The following LPP variants were observed in gnomAD, a reference collection of about 807,000 sequenced individuals.
LPP encodes the protein LIM domain containing preferred translocation partner in lipoma, also known as lipoma-preferred partner.
In LPP, 38 loss-of-function variants were observed where a neutral mutation model predicts 60.4. The ratio of observed to expected loss-of-function variants is 0.63; its 90% CI spans 0.49 to 0.83. LPP has a LOEUF of 0.83. Ranked by LOEUF, LPP falls within the 40% of genes least tolerant of loss-of-function variation. The probability of loss-of-function intolerance (pLI) is 0.00; values close to 1 mark genes in which losing one functional copy is unlikely to be tolerated. For synonymous variants in LPP, 328 were observed against 290.8 expected, an observed-to-expected ratio of 1.13 and a Z score of -1.30; for missense variants, 902 against 783.6, an observed-to-expected ratio of 1.15 and a Z score of -1.80.
intron 10 of LPP, among the ~76,000 whole-genome samples, chr3:188,870,311 G>A (rs150083857): frequency 2.6e-5 from 4 of 152,212 alleles, no homozygotes; most frequent in African/African-American, 9.6e-5. Context: ...GCTTATTCTT[G>A]TATTCCCAGT....
chr3:188,522,845 G>A (rs901447590), intron 5 of LPP, among the ~76,000 whole-genome samples: 26 of 145,192 alleles, frequency 1.8e-4, no homozygotes, highest in African/African-American at 4.9e-4. Flanking sequence ...GTGTGTGTAC[G>A]TGTGTGTATG....
rs1263741556 is a variant in LPP at position 188,522,475 on chromosome 3, C to G, written c.307-2190C>G. Reference sequence around the variant, plus strand: ...GATAGTGCTATGAGAAAGGTTACTGCCTGTGTCACAGTCTGTCATTATTCA... The same window carrying G: ...GATAGTGCTATGAGAAAGGTTACTGGCTGTGTCACAGTCTGTCATTATTCA... On this transcript the variant is annotated intron_variant, in intron 5 of 11. Transcript: ENST00000617246. 4.6e-5 allele frequency among the ~76,000 whole-genome samples: 7 copies of G among 152,088 alleles called. No individual in the cohort carries two copies. The South Asian group carries it at 1.5e-3, about 32-fold the overall frequency.
chr3:188,342,846 G>T (rs1261400484), intron 3 of LPP, among the ~76,000 whole-genome samples: 1 of 151,788 alleles, frequency 6.6e-6, no homozygotes, highest in Admixed American at 6.6e-5. Context: ...GGTTATGTAT[G>T]GACTATGAAA....
intron 8 of LPP, among the ~76,000 whole-genome samples, chr3:188,723,012 A>T (rs1717068953): frequency 6.6e-6 from 1 of 152,194 alleles, no homozygotes. Context: ...AGAATACAAA[A>T]AGTGTTTTTT....
intron 4 of LPP, among the ~76,000 whole-genome samples, chr3:188,451,518 TG>T (rs1455029168): frequency 6.6e-6 from 1 of 152,216 alleles, no homozygotes; most frequent in Non-Finnish European, 1.5e-5. Context: ...TCTAGGTACT[TG>T]GGAACAAAAT....
intron 9 of LPP, among the ~76,000 whole-genome samples, chr3:188,804,243 T>TTATATATATA (rs60989319): frequency 0.045 from 1,681 of 37,488 alleles, 128 homozygotes; most frequent in African/African-American, 0.048. Context: ...TAGTGCATCT[T>TTATATATATA]TATATATATA....
intron 1 of LPP, among the ~76,000 whole-genome samples, chr3:188,193,928 G>C (rs1728855477): frequency 6.6e-6 from 1 of 152,168 alleles, no homozygotes; most frequent in African/African-American, 2.4e-5. Flanking sequence ...CACATAAAGG[G>C]AACCAGCAAA....
At chr3:188,828,614 CAAAAAAAAAAA>C (rs71169022) in intron 9 of LPP, among the ~76,000 whole-genome samples, 183 of 31,344 alleles carry the variant, frequency 5.8e-3, no homozygotes, top group African/African-American at 0.022. Context: ...AACTCTGTCT[CAAAAAAAAAAA>C]AAAAAAAAAA....
rs573322647 is a variant in LPP, at chr3:188,680,969, A to G, written c.1114-27298A>G. Among the ~76,000 whole-genome samples the G allele has an allele frequency of 6.7e-5, 10 of 149,748 alleles. No homozygotes were observed. In the East Asian group the frequency reaches 2.0e-3, roughly 29 times the overall value. On this transcript the variant is annotated intron_variant, in intron 7 of 11. Coordinates refer to ENST00000617246, the MANE Select transcript of LPP (RefSeq NM_001375462.1). The stretch of plus-strand genomic sequence containing the variant: ...ATGCAGCTCCAGCTGACAGACCCCC[A>G]GCTCTATCTTCCCAGGTGCATTTCC...
In LPP at chr3:188,406,276, A is replaced by G. The variant is rs1560361522; in HGVS notation, c.156A>G (p.Lys52=). 2.5e-6 allele frequency: 4 copies of G among 1,614,072 alleles called. No homozygotes were observed. Among genetic ancestry groups the G allele is most frequent in the Non-Finnish European group, 3.4e-6 (4 of 1,179,986 alleles). ...AGTTTGCCCCGGTAGTTGCTCCAAA[A>G]CCTAAGTACAACCCATACAAACAAC... The part of the protein sequence containing the change: ...PKKFAPVVAP[K]PKYNPYKQPG... Residue 52 remains lysine (K), a synonymous_variant, in exon 4 of 12, where the codon AAA becomes AAG. Transcript: ENST00000617246.
At chr3:188,424,037 A>C (rs1047088850) in intron 4 of LPP, among the ~76,000 whole-genome samples, 11 of 152,042 alleles carry the variant, frequency 7.2e-5, no homozygotes, top group Non-Finnish European at 7.4e-5. Flanking sequence ...GTCCATTCCT[A>C]TGTCCTGAAT....
intron 4 of LPP, among the ~76,000 whole-genome samples, chr3:188,440,042 C>T (rs143602716): frequency 2.0e-5 from 3 of 152,112 alleles, no homozygotes; most frequent in Non-Finnish European, 4.4e-5. Flanking sequence ...AATTTTTGTA[C>T]CTTGGATTAT....
intron 9 of LPP, among the ~76,000 whole-genome samples, chr3:188,828,614 C>CAAGAAAAAAAAA (rs1756255069): frequency 3.2e-5 from 1 of 31,330 alleles, no homozygotes; most frequent in African/African-American, 1.4e-4. Flanking sequence ...AACTCTGTCT[C>CAAGAAAAAAAAA]AAAAAAAAAA....
At chr3:188,623,849 A>T (rs1846277241) in intron 7 of LPP, among the ~76,000 whole-genome samples, 1 of 152,204 alleles carries the variant, frequency 6.6e-6, no homozygotes, top group Non-Finnish European at 1.5e-5. Context: ...TGTGTGCCAG[A>T]CAATCCTCCT....
At chr3:188,847,810 A>G (rs1374223633) in intron 9 of LPP, among the ~76,000 whole-genome samples, 1 of 152,230 alleles carries the variant, frequency 6.6e-6, no homozygotes, top group Non-Finnish European at 1.5e-5. Context: ...TTTAGCAGCC[A>G]ATGTGAAATA....
chr3:188,448,393 T>A, intron 4 of LPP, among the ~76,000 whole-genome samples: 1 of 7,394 alleles, frequency 1.4e-4, no homozygotes, highest in South Asian at 4.2e-3. Flanking sequence ...TATTGAGATA[T>A]CTATATTTAG....
intron 2 of LPP, among the ~76,000 whole-genome samples, chr3:188,248,255 C>T (rs956961385): frequency 4.6e-5 from 7 of 151,610 alleles, no homozygotes; most frequent in South Asian, 2.1e-4. Flanking sequence ...GCGAAGGGAG[C>T]GAAAGGGTTA....
At chr3:188,531,783 G>A (rs1297934341) in intron 6 of LPP, among the ~76,000 whole-genome samples, 2 of 152,050 alleles carry the variant, frequency 1.3e-5, no homozygotes, top group Non-Finnish European at 2.9e-5. Flanking sequence ...TAATAAACTA[G>A]TAAATGTAAG....
intron 4 of LPP, among the ~76,000 whole-genome samples, chr3:188,477,333 C>T (rs1418369147): frequency 6.6e-6 from 1 of 152,188 alleles, no homozygotes; most frequent in East Asian, 1.9e-4. Context: ...GAGACTTTAA[C>T]AGTAGTAGCT....
Sources: gnomAD v4.1 joint callset for allele counts (sites outside exome capture counted in the v4.1 genomes callset) on GRCh38, gnomAD v4.1.1 for gene constraint, MANE v1.5 for transcripts, NCBI Gene and HGNC (gene_info 2026-07-23, HGNC 2026-07-21) for gene names.